OTUD7B: variants seen among roughly 807,000 people sequenced by gnomAD.
OTUD7B encodes the protein OTU domain-containing protein 7B.
A neutral mutation model predicts 82.2 loss-of-function variants in OTUD7B; 34 were observed. The observed-to-expected ratio is 0.41, with a 90% CI of 0.31 to 0.55. The LOEUF is 0.55. Ranked by LOEUF, OTUD7B falls within the 20% of genes least tolerant of loss-of-function variation. OTUD7B has a pLI of 0.20. For synonymous variants in OTUD7B, 398 were observed against 402.7 expected (o/e 0.99, Z 0.14); for missense variants, 944 against 1,062.1 (o/e 0.89, Z 1.55).
At chr1:150,065,788 T>A in the OTUD7B span, among the ~76,000 whole-genome samples, 36 of 146,086 alleles carry the variant, frequency 2.5e-4, no homozygotes, top group African/African-American at 8.7e-4. Flanking sequence ...GGAAGGATGC[T>A]GTCTAACTTC....
At chr1:150,042,672 C>T in the OTUD7B span, among the ~76,000 whole-genome samples, 2 of 152,098 alleles carry the variant, frequency 1.3e-5, no homozygotes, top group Non-Finnish European at 2.9e-5. Flanking sequence ...TCACCCTGCT[C>T]CTTCTTGTAA....
At chr1:150,063,779 C>T in the OTUD7B span, among the ~76,000 whole-genome samples, 1 of 152,144 alleles carries the variant, frequency 6.6e-6, no homozygotes, top group Non-Finnish European at 1.5e-5. Flanking sequence ...CTTTTGCTAC[C>T]ATAAAGCTCA....
At chr1:150,059,308 C>T in the OTUD7B span, among the ~76,000 whole-genome samples, 53 of 51,716 alleles carry the variant, frequency 1.0e-3, no homozygotes, top group Non-Finnish European at 2.6e-3. Flanking sequence ...CCCCCCCCCC[C>T]CCGCCTCCCA....
At chr1:150,028,756 C>T in the OTUD7B span, among the ~76,000 whole-genome samples, 4 of 152,156 alleles carry the variant, frequency 2.6e-5, no homozygotes, top group East Asian at 1.9e-4. Context: ...CTGCAACCTC[C>T]GCCTCCCAGG....
chr1:149,952,018 G>C (rs1300229549), intron 7 of OTUD7B, among the ~76,000 whole-genome samples: 4 of 151,840 alleles, frequency 2.6e-5, no homozygotes, highest in Non-Finnish European at 5.9e-5. Flanking sequence ...CTCAGATCTA[G>C]AGTAGCATGG....
intron 6 of OTUD7B, chr1:149,961,711 A>G (rs1649178214): frequency 6.6e-6 from 1 of 152,202 alleles, no homozygotes. Context: ...AACCTGTTGC[A>G]ATTATGTATT....
the OTUD7B span, among the ~76,000 whole-genome samples, chr1:150,066,198 AT>A: frequency 4.6e-5 from 7 of 152,250 alleles, no homozygotes; most frequent in African/African-American, 1.7e-4. The surrounding 1 kb of genome is among the most constrained non-coding windows in gnomAD (Gnocchi z 4.6). Flanking sequence ...GAATTTTCAA[AT>A]ATCAGTAATT....
At chr1:149,956,821 T>C (rs1470215581) in intron 7 of OTUD7B, among the ~76,000 whole-genome samples, 3 of 152,218 alleles carry the variant, frequency 2.0e-5, no homozygotes, top group African/African-American at 7.2e-5. Context: ...TCCACTTGAT[T>C]GAATCAGCTA....
intron 6 of OTUD7B, chr1:149,963,523 T>C (rs1257055504): frequency 6.6e-6 from 1 of 150,738 alleles, no homozygotes; most frequent in Non-Finnish European, 1.5e-5. Context: ...CAGGGCTGTA[T>C]TCTGATAAAA....
intron 8 of OTUD7B, 117 bp downstream of exon 8, chr1:149,949,977 C>T (rs373402300): frequency 2.8e-6 from 4 of 1,437,152 alleles, no homozygotes; most frequent in East Asian, 4.6e-5. Context: ...TAATTGATAA[C>T]TTGCTTTTTC....
At chr1:150,025,919 G>C in the OTUD7B span, among the ~76,000 whole-genome samples, 3 of 152,346 alleles carry the variant, frequency 2.0e-5, no homozygotes, top group East Asian at 5.8e-4. Context: ...AGGAGACACA[G>C]AGCTCTGATA....
the OTUD7B span, among the ~76,000 whole-genome samples, chr1:150,028,429 A>T: frequency 1.3e-5 from 2 of 152,202 alleles, no homozygotes; most frequent in African/African-American, 4.8e-5. Context: ...TTGTGGTAAA[A>T]TACACATAAT....
rs1651646397 is a variant in OTUD7B at position 149,992,473 on chromosome 1, T to TTTTTG, written c.-66-14898_-66-14897insCAAAA. Among the ~76,000 whole-genome samples, 3 of 1,582 alleles carry TTTTTG rather than the reference T, an allele frequency of 1.9e-3. 1 individual carries two copies. The highest frequency in any genetic ancestry group is 0.17 in the South Asian group (1 of 6). The allele number at this position is 1,582 out of a possible 152,430, so 1.0% of individuals were successfully genotyped here. On this transcript the variant is annotated intron_variant, in intron 1 of 11. Coordinates refer to ENST00000581312, the MANE Select transcript of OTUD7B (RefSeq NM_020205.4). ...AATTGTTTTGTGTGCATGTGTTTTT[T>TTTTTG]TTTTTTTTTTTTTTTTTTTTAGTAC...
chr1:150,054,402 T>C, the OTUD7B span: 3 of 538,002 alleles, frequency 5.6e-6, no homozygotes, highest in Non-Finnish European at 7.3e-6. Context: ...CCTCTGGTCC[T>C]CAATCAAGTT....
chr1:149,972,521 T>A (rs1190990187), intron 2 of OTUD7B, among the ~76,000 whole-genome samples: 1 of 152,242 alleles, frequency 6.6e-6, no homozygotes. Flanking sequence ...TAGTAAGGCC[T>A]ACCCTGACTT....
chr1:149,974,591 C>T (rs1468972136), intron 2 of OTUD7B, among the ~76,000 whole-genome samples: 2 of 143,880 alleles, frequency 1.4e-5, no homozygotes, highest in African/African-American at 5.2e-5. Context: ...ACTCTGTCAC[C>T]CTGGCTGGAG....
the OTUD7B span, among the ~76,000 whole-genome samples, chr1:150,043,633 T>C: frequency 6.6e-6 from 1 of 152,144 alleles, no homozygotes; most frequent in Non-Finnish European, 1.5e-5. Flanking sequence ...AGAGGGACTT[T>C]TACATCAAAC....
In OTUD7B at chr1:150,010,662, A is replaced by C. The variant is rs1652983719; in HGVS notation, c.-281T>G. The C allele has an allele frequency of 6.5e-6, 1 of 152,684 alleles. No individual in the cohort carries two copies. Among genetic ancestry groups the C allele is most frequent in the Admixed American group, 6.5e-5 (1 of 15,284 alleles). 9.5% of individuals were successfully genotyped at this position (152,684 alleles called of 1,614,324 possible). ...GGACTGATCGGGACTGGCCTCCCCC[A>C]GTGGCTTTTTGCCCACTCCGCACCC... is the stretch of plus-strand genomic sequence containing the variant. On this transcript the variant is annotated 5_prime_UTR_variant, in exon 1 of 12. Transcript: ENST00000581312.
chr1:149,949,777 T>C lies in OTUD7B; in HGVS notation c.975A>G (p.Ala325=), dbSNP rs782727412. 3.7e-6 allele frequency: 6 copies of C among 1,613,804 alleles called. No individual in the cohort carries two copies. Among genetic ancestry groups the C allele is most frequent in the South Asian group, 2.2e-5 (2 of 91,028 alleles). The change falls in exon 9 of 12, where the codon GCA becomes GCG. Residue 325 remains alanine (A), a splice_region_variant and synonymous_variant. Transcript: ENST00000581312. Reference sequence around the variant, plus strand: ...TTCCTCCAAAGGGAATAGGGGCAAATGCTGCAGGAAGCCATGAAGATTATT... The same window carrying C: ...TTCCTCCAAAGGGAATAGGGGCAAACGCTGCAGGAAGCCATGAAGATTATT... ...DTMLRDSGGE[A]FAPIPFGGIY...
Sources: gnomAD v4.1 joint callset for allele counts (sites outside exome capture counted in the v4.1 genomes callset) on GRCh38, gnomAD v4.1.1 for gene constraint, Gnocchi (gnomAD v3.1) non-coding constraint, MANE v1.5 for transcripts, NCBI Gene and HGNC (gene_info 2026-07-23, HGNC 2026-07-21) for gene names.